Variants in ITGA11 observed in about 807,000 individuals in gnomAD.
The protein encoded by ITGA11 is integrin subunit alpha 11.
In ITGA11, 97 loss-of-function variants were observed where a neutral mutation model predicts 141.9. That is an observed-to-expected ratio of 0.68 (90% CI 0.58 to 0.81). The LOEUF is 0.81. ITGA11 is among the 30% of genes least tolerant of loss of function. The pLI is 0.00. For synonymous variants in ITGA11, 658 were observed against 624.6 expected (o/e 1.05, Z -0.80); for missense variants, 1,387 against 1,559.2 (o/e 0.89, Z 1.86).
At position 68,303,030 on chromosome 15, in the gene ITGA11, C is replaced by G; in HGVS notation, c.*29G>C. On this transcript the variant is annotated 3_prime_UTR_variant, in exon 30 of 30. Transcript: ENST00000315757. This position sits in a 1 kb window ranked among gnomAD's most constrained non-coding sequence, Gnocchi z 5.3. ...CACTACCTGGACTGGTGTCCTGGCC[C>G]CCATCAACTCAAAGTCTCCTCTGGA... 1 of 1,529,284 alleles carries G rather than the reference C, an allele frequency of 6.5e-7. No homozygotes were observed. Among genetic ancestry groups the G allele is most frequent in the Non-Finnish European group, 8.8e-7 (1 of 1,130,588 alleles). The allele number at this position is 1,529,284 out of a possible 1,614,324, so 94.7% of individuals were successfully genotyped here.
Position 68,321,423 on chromosome 15 carries a change from C to T in ITGA11, c.2403G>A (p.Thr801=), listed in dbSNP as rs758601232. The part of the protein sequence containing the change: ...LVLDARSDLP[T]AMEYCQRVLR... ...GGTGGAAGGAGCCAACTCACATGGC[C>T]GTGGGCAGGTCACTCCGGGCATCCA... The change falls in exon 19 of 30, where the codon ACG becomes ACA. Residue 801 remains threonine, a synonymous_variant. Coordinates refer to ENST00000315757, the MANE Select transcript of ITGA11 (RefSeq NM_001004439.2). The surrounding 1 kb of genome is among the most constrained non-coding windows in gnomAD (Gnocchi z 4.9). 1.2e-5 allele frequency: 19 copies of T among 1,579,096 alleles called. No individual in the cohort carries two copies. Among genetic ancestry groups the T allele is most frequent in the Middle Eastern group, 1.7e-4 (1 of 5,968 alleles).
At chr15:68,360,044 A>G (rs1163852347) in intron 5 of ITGA11, among the ~76,000 whole-genome samples, 2 of 152,228 alleles carry the variant, frequency 1.3e-5, no homozygotes, top group Admixed American at 1.3e-4. Context: ...TGTGTTTAGT[A>G]GAGCATTTTA....
chr15:68,302,971 T>C lies in ITGA11; in HGVS notation c.*88A>G. On this transcript the variant is annotated 3_prime_UTR_variant, in exon 30 of 30. Coordinates refer to ENST00000315757, the MANE Select transcript of ITGA11 (RefSeq NM_001004439.2). ...CAAAGCCAGCTGGCTTCCTCTCCGCTCCAGCTCGGTGGGGCCACAGGCCTG... is the reference window on the plus strand; with the variant it reads ...CAAAGCCAGCTGGCTTCCTCTCCGCCCCAGCTCGGTGGGGCCACAGGCCTG... 1 of 1,122,086 alleles carries C rather than the reference T, an allele frequency of 8.9e-7. No individual in the cohort carries two copies. The highest frequency in any genetic ancestry group is 1.4e-5 in the South Asian group (1 of 69,114). 69.5% of individuals were successfully genotyped at this position (1,122,086 alleles called of 1,614,324 possible). A position where few individuals can be genotyped will look rare whatever the true frequency, so the allele number is the denominator to read the frequency against.
chr15:68,367,128 G>A (rs1268792343), intron 3 of ITGA11, among the ~76,000 whole-genome samples: 2 of 152,116 alleles, frequency 1.3e-5, no homozygotes, highest in Admixed American at 1.3e-4. Flanking sequence ...AACTCACTTT[G>A]CTACCCACTG....
rs746348270 is a variant in ITGA11, at chr15:68,379,708, CT to C, written c.165-10425del. Among the ~76,000 whole-genome samples, 239 of 152,352 alleles carry C rather than the reference CT, an allele frequency of 1.6e-3. 1 individual carries two copies. The highest frequency in any genetic ancestry group is 2.2e-3 in the Admixed American group (34 of 15,310). On this transcript the variant is annotated intron_variant, in intron 2 of 29. Transcript: ENST00000315757. The stretch of plus-strand genomic sequence containing the variant: ...ATGCAATGTAACCCCTCTCCCATCT[CT>C]TTGCAAGATGCCTGACAAACCCTTG...
intron 26 of ITGA11, among the ~76,000 whole-genome samples, chr15:68,310,197 A>T (rs999646732): frequency 6.6e-6 from 1 of 152,340 alleles, no homozygotes; most frequent in South Asian, 2.1e-4. Context: ...ATACCTCAAG[A>T]TCATTTATAA....
intron 1 of ITGA11, among the ~76,000 whole-genome samples, chr15:68,424,646 A>AT (rs1336147686): frequency 1.3e-5 from 2 of 152,194 alleles, no homozygotes; most frequent in African/African-American, 4.8e-5. Flanking sequence ...CCATGCCAGA[A>AT]TGAGATGCGA....
At chr15:68,319,648 G>A (rs1352078981) in intron 20 of ITGA11, among the ~76,000 whole-genome samples, 2 of 152,218 alleles carry the variant, frequency 1.3e-5, no homozygotes, top group African/African-American at 2.4e-5. Context: ...AGGACCTTCC[G>A]AGCAAGCCTG....
chr15:68,349,788 A>G (rs970820454), intron 9 of ITGA11, among the ~76,000 whole-genome samples: 10 of 152,112 alleles, frequency 6.6e-5, no homozygotes, highest in African/African-American at 2.4e-4. Context: ...AATCTGAAGG[A>G]CTCTGCCCAA....
chr15:68,396,758 T>C (rs2140398573), intron 2 of ITGA11, among the ~76,000 whole-genome samples: 1 of 149,312 alleles, frequency 6.7e-6, no homozygotes, highest in African/African-American at 2.4e-5. Context: ...AAATCAATTG[T>C]ATTTTTATGT....
intron 1 of ITGA11, among the ~76,000 whole-genome samples, chr15:68,431,009 G>A (rs2084033): frequency 0.37 from 56,601 of 152,206 alleles, 10,837 homozygotes; most frequent in South Asian, 0.47. Flanking sequence ...AGCCCACGCA[G>A]AAGGGGAGGC....
chr15:68,424,143 T>C (rs182050536), intron 1 of ITGA11, among the ~76,000 whole-genome samples: 4 of 152,324 alleles, frequency 2.6e-5, no homozygotes, highest in Admixed American at 2.6e-4. Flanking sequence ...GTAGGGGACA[T>C]AGAGAGTATC....
intron 16 of ITGA11, among the ~76,000 whole-genome samples, chr15:68,327,340 G>C (rs1198492884): frequency 6.6e-6 from 1 of 152,222 alleles, no homozygotes; most frequent in Non-Finnish European, 1.5e-5. Flanking sequence ...GAAAGGCTCA[G>C]TCCCTTCTCC....
Position 68,335,582 on chromosome 15 carries a change from A to ACCCAG in ITGA11, c.1425+114_1425+115insCTGGG. On this transcript the variant is annotated intron_variant, in intron 12 of 29. Coordinates refer to ENST00000315757, the MANE Select transcript of ITGA11 (RefSeq NM_001004439.2). This position sits in a 1 kb window ranked among gnomAD's most constrained non-coding sequence, Gnocchi z 4.9. The stretch of plus-strand genomic sequence containing the variant: ...GCAGCATGAAGGTGGCTGGAGGAAC[A>ACCCAG]TGACTGCCCTTTGGGGCACCCAGTG... 3.3e-6 allele frequency: 4 copies of ACCCAG among 1,217,348 alleles called. No individual in the cohort carries two copies. In the African/African-American group the frequency reaches 6.0e-5, roughly 18 times the overall value. The allele number at this position is 1,217,348 out of a possible 1,614,324, so 75.4% of individuals were successfully genotyped here.
intron 1 of ITGA11, among the ~76,000 whole-genome samples, chr15:68,414,978 A>G (rs1176140738): frequency 1.3e-5 from 2 of 151,878 alleles, no homozygotes; most frequent in African/African-American, 4.8e-5. Flanking sequence ...AACTTAACCA[A>G]ACTTGGGTCT....
At chr15:68,431,974 G>A in intron 1 of ITGA11, 41 bp downstream of exon 1, 1 of 1,269,786 alleles carries the variant, frequency 7.9e-7, no homozygotes, top group Non-Finnish European at 1.0e-6. Flanking sequence ...GCCCAGGGAG[G>A]GACTCCGAGA....
At position 68,306,022 on chromosome 15, in the gene ITGA11, T is replaced by TAAA. The variant is rs34840804; in HGVS notation, c.3381+1323_3381+1325dup. On this transcript the variant is annotated intron_variant, in intron 28 of 29. Coordinates refer to ENST00000315757, the MANE Select transcript of ITGA11 (RefSeq NM_001004439.2). ...TAACACAGTGAAACCCTGTCTCTAC[T>TAAA]AAAAAAAAAAAAAAAAAATTAGCCA... Among the ~76,000 whole-genome samples, 590 of 128,016 alleles carry TAAA rather than the reference T, an allele frequency of 4.6e-3. 2 individuals are homozygous for TAAA. Among genetic ancestry groups the TAAA allele is most frequent in the African/African-American group, 6.7e-3 (226 of 33,796 alleles). The allele number at this position is 128,016 out of a possible 152,430, so 84.0% of individuals were successfully genotyped here.
chr15:68,390,252 G>C (rs1320440507), intron 2 of ITGA11, among the ~76,000 whole-genome samples: 1 of 152,140 alleles, frequency 6.6e-6, no homozygotes, highest in East Asian at 1.9e-4. Flanking sequence ...AAAATAAAGT[G>C]ACTGCCCCAC....
chr15:68,396,930 A>ATATATTATATATTATTTAT (rs1567156394), intron 2 of ITGA11, among the ~76,000 whole-genome samples: 2 of 34,292 alleles, frequency 5.8e-5, no homozygotes, highest in East Asian at 3.5e-3. Flanking sequence ...TTATTATATA[A>ATATATTATATATTATTTAT]TATATAATAT....
Sources: gnomAD v4.1 joint callset for allele counts (sites outside exome capture counted in the v4.1 genomes callset) on GRCh38, gnomAD v4.1.1 for gene constraint, Gnocchi (gnomAD v3.1) non-coding constraint, MANE v1.5 for transcripts, NCBI Gene and HGNC (gene_info 2026-07-23, HGNC 2026-07-21) for gene names.